Variants in ZNF385C observed in about 807,000 individuals in gnomAD.
ZNF385C encodes zinc finger protein 385C.
ZNF385C carries 28 observed loss-of-function variants against 35.4 expected under a neutral mutation model. That is an observed-to-expected ratio of 0.79 (90% confidence interval 0.59 to 1.08). ZNF385C has a LOEUF of 1.08. Ranked by LOEUF, ZNF385C falls within the 50% of genes least tolerant of loss-of-function variation. The pLI is 0.00. For synonymous variants in ZNF385C, 248 were observed against 248.2 expected (o/e 1.00, Z 0.01); for missense variants, 605 against 595.6 (o/e 1.02, Z -0.16).
intron 1 of ZNF385C, among the ~76,000 whole-genome samples, chr17:42,071,179 G>A (rs1360015135): frequency 1.4e-5 from 2 of 141,628 alleles, no homozygotes; most frequent in African/African-American, 5.6e-5. Flanking sequence ...GAGGGGTTCC[G>A]CTGGACACAC....
At chr17:42,040,050 G>T (rs2052975450) in intron 2 of ZNF385C, 1 of 1,231,036 alleles carries the variant, frequency 8.1e-7, no homozygotes, top group Non-Finnish European at 1.0e-6. Context: ...TAAACAGCGC[G>T]AAGTCGCCCA....
At chr17:42,091,205 G>A (rs1555660531) in intron 1 of ZNF385C, among the ~76,000 whole-genome samples, 2 of 152,146 alleles carry the variant, frequency 1.3e-5, no homozygotes, top group African/African-American at 4.8e-5. Flanking sequence ...GGGAGGCTGA[G>A]GCAGGAGGAT....
At chr17:42,039,942 G>A (rs1416944960) in intron 2 of ZNF385C, 3 of 1,231,060 alleles carry the variant, frequency 2.4e-6, no homozygotes, top group African/African-American at 3.1e-5. Context: ...CTAGGGCGGC[G>A]AAGTCGGGGA....
chr17:42,097,830 A>G (rs1555661085), intron 1 of ZNF385C, among the ~76,000 whole-genome samples: 1 of 152,214 alleles, frequency 6.6e-6, no homozygotes, highest in African/African-American at 2.4e-5. Context: ...AGATCTACTG[A>G]GTTCCCAGAC....
intron 1 of ZNF385C, among the ~76,000 whole-genome samples, chr17:42,083,982 G>A (rs2053778327): frequency 6.6e-6 from 1 of 151,968 alleles, no homozygotes; most frequent in African/African-American, 2.4e-5. Flanking sequence ...GCCTCCCAAA[G>A]TGCCAGGATG....
At chr17:42,033,791 G>A (rs184186452) in intron 4 of ZNF385C, among the ~76,000 whole-genome samples, 9 of 152,140 alleles carry the variant, frequency 5.9e-5, no homozygotes, top group Non-Finnish European at 1.0e-4. Context: ...GCCTCCACCC[G>A]TCTCACAGAT....
At chr17:42,034,374 G>C (rs2052795058) in intron 3 of ZNF385C, 39 bp from the exon 4 acceptor site, 2 of 1,496,300 alleles carry the variant, frequency 1.3e-6, no homozygotes, top group African/African-American at 1.4e-5. Context: ...CTCTGGGGTT[G>C]GCTTGGGAAG....
At chr17:42,033,240 A>T (rs782681603) in intron 4 of ZNF385C, among the ~76,000 whole-genome samples, 1 of 152,182 alleles carries the variant, frequency 6.6e-6, no homozygotes, top group Non-Finnish European at 1.5e-5. Flanking sequence ...GCCTAACAGG[A>T]GGTAGACCTT....
chr17:42,042,753 C>G, intron 2 of ZNF385C: 16 of 1,070,132 alleles, frequency 1.5e-5, no homozygotes, highest in Non-Finnish European at 1.9e-5. Context: ...CCCCAAGGAG[C>G]TGGCATGCTG....
At position 42,028,266 on chromosome 17, in the gene ZNF385C, GTC is replaced by G. The variant is rs782431999; in HGVS notation, c.968-22_968-21del. The G allele has an allele frequency of 6.2e-5, 94 of 1,515,926 alleles. No homozygotes were observed. Among genetic ancestry groups the G allele is most frequent in the Non-Finnish European group, 8.0e-5 (91 of 1,135,570 alleles). 93.9% of individuals were successfully genotyped at this position (1,515,926 alleles called of 1,614,324 possible). ...TGGCTCCTGGAGAGGGAAGAAGGCA[GTC>G]TCTCAGCAGCAGGAAGGGGTTGCAG... On this transcript the variant is annotated intron_variant, in intron 6 of 8. Transcript: ENST00000692273.
chr17:42,081,187 G>A (rs142027445), intron 1 of ZNF385C, among the ~76,000 whole-genome samples: 38 of 152,252 alleles, frequency 2.5e-4, no homozygotes, highest in Middle Eastern at 3.4e-3. Context: ...AAGGATGGGC[G>A]CAGACAATAA....
At chr17:42,059,102 A>G (rs569030429) in intron 2 of ZNF385C, among the ~76,000 whole-genome samples, 139 of 152,250 alleles carry the variant, frequency 9.1e-4, no homozygotes, top group African/African-American at 3.0e-3. Context: ...GCCAATGGAG[A>G]AGGCAGCTTC....
rs539997288 is a variant in ZNF385C, at chr17:42,042,677, C to T, written c.251-4792G>A. On this transcript the variant is annotated intron_variant, in intron 2 of 8. Transcript: ENST00000692273. ...TTGTATCCCTGCAGCTGGCCCAGGA[C>T]CAGGGACATAGGCTCTCAGGGAAGG... Among the ~76,000 whole-genome samples the T allele has an allele frequency of 7.2e-5, 11 of 152,276 alleles. No homozygotes were observed. In the East Asian group the frequency reaches 2.1e-3, roughly 29 times the overall value.
In ZNF385C at chr17:42,057,513, CGT is replaced by C. The variant is rs57813267; in HGVS notation, c.250+5292_250+5293del. 2.8e-3 allele frequency among the ~76,000 whole-genome samples: 415 copies of C among 146,864 alleles called. 3 individuals are homozygous for C. Among genetic ancestry groups the C allele is most frequent in the African/African-American group, 8.2e-3 (309 of 37,812 alleles). On this transcript the variant is annotated intron_variant, in intron 2 of 8. Coordinates refer to ENST00000692273, the MANE Select transcript of ZNF385C (RefSeq NM_001392013.1). Reference sequence around the variant, plus strand: ...TTAGGGGTGTGCGCGCGCGCGCGCGCGTGTGTGTGTGTGTGTGTGTGTGTGTG... The same window carrying C: ...TTAGGGGTGTGCGCGCGCGCGCGCGCGTGTGTGTGTGTGTGTGTGTGTGTG...
At chr17:42,039,964 A>G (rs1235424887) in intron 2 of ZNF385C, 1 of 1,231,062 alleles carries the variant, frequency 8.1e-7, no homozygotes. Context: ...GAGCTCGTGC[A>G]GCTCCGAGTG....
At chr17:42,027,201 A>T in intron 8 of ZNF385C, 68 bp from the exon 9 acceptor site, 1 of 1,375,426 alleles carries the variant, frequency 7.3e-7, no homozygotes. Flanking sequence ...CCTGGGGCCC[A>T]TCCTCAAGCT....
intron 1 of ZNF385C, among the ~76,000 whole-genome samples, chr17:42,064,288 C>T (rs968339711): frequency 3.9e-5 from 6 of 152,202 alleles, no homozygotes; most frequent in East Asian, 1.9e-4. Context: ...CGGAAATCTG[C>T]GTGCATGCTT....
At chr17:42,042,719 T>G (rs1022126470) in intron 2 of ZNF385C, 4 of 746,334 alleles carry the variant, frequency 5.4e-6, no homozygotes, top group Non-Finnish European at 7.3e-6. Context: ...AGGGTGAAGA[T>G]ATGAATGAAA....
intron 2 of ZNF385C, chr17:42,062,210 A>C (rs1450616953): frequency 1.3e-5 from 2 of 152,820 alleles, no homozygotes; most frequent in African/African-American, 4.8e-5. Context: ...GTCAGCTAGA[A>C]TCACCCTCAT....
Sources: allele counts gnomAD v4.1 joint callset (sites outside exome capture counted in the v4.1 genomes callset), GRCh38; gene constraint gnomAD v4.1.1; transcripts MANE v1.5; gene names NCBI Gene and HGNC (gene_info 2026-07-23, HGNC 2026-07-21).